ANKRD12: variants seen among roughly 807,000 people sequenced by gnomAD.
The protein encoded by ANKRD12 is ankyrin repeat domain-containing protein 12.
ANKRD12 carries 85 observed loss-of-function variants against 183.4 expected under a neutral mutation model. The ratio of observed to expected loss-of-function variants is 0.46; its 90% CI spans 0.39 to 0.56. The LOEUF is 0.56. ANKRD12 is among the 20% of genes least tolerant of loss of function. ANKRD12 has a pLI of 0.00. For missense variants in ANKRD12, 2,405 were observed against 2,357.1 expected (o/e 1.02, Z -0.42); for synonymous variants, 914 against 800.2 (o/e 1.14, Z -2.40).
intron 8 of ANKRD12, among the ~76,000 whole-genome samples, chr18:9,227,783 T>G (rs552728657): frequency 6.6e-6 from 1 of 152,318 alleles, no homozygotes; most frequent in Admixed American, 6.5e-5. Context: ...TCCATCACCT[T>G]AAGTGTTATT....
intron 8 of ANKRD12, among the ~76,000 whole-genome samples, chr18:9,251,948 C>T (rs868368654): frequency 3.3e-5 from 5 of 151,924 alleles, no homozygotes; most frequent in Admixed American, 6.5e-5. Flanking sequence ...TTTTAAAGAG[C>T]GTTTTGTTAG....
At chr18:9,177,508 C>G (rs889014389) in intron 1 of ANKRD12, among the ~76,000 whole-genome samples, 1 of 152,074 alleles carries the variant, frequency 6.6e-6, no homozygotes, top group Non-Finnish European at 1.5e-5. Flanking sequence ...GTGCATAGAA[C>G]ATGTAATGAT....
chr18:9,204,706 A>G (rs2035378889), intron 4 of ANKRD12, among the ~76,000 whole-genome samples, 162 bp downstream of exon 4: 1 of 152,254 alleles, frequency 6.6e-6, no homozygotes, highest in African/African-American at 2.4e-5. Context: ...TTTTGCTCCT[A>G]GGTACTCAGT....
intron 8 of ANKRD12, among the ~76,000 whole-genome samples, chr18:9,223,924 T>C (rs2036566003): frequency 6.6e-6 from 1 of 152,004 alleles, no homozygotes; most frequent in Non-Finnish European, 1.5e-5. Context: ...TAGGTAAGAA[T>C]GAAAATAAGT....
chr18:9,160,250 G>C (rs901844950), intron 1 of ANKRD12, among the ~76,000 whole-genome samples: 7 of 152,068 alleles, frequency 4.6e-5, no homozygotes, highest in African/African-American at 7.2e-5. Flanking sequence ...TGAGTAGCTG[G>C]GACCACAGAC....
chr18:9,252,178 C>T (rs2038336082), intron 8 of ANKRD12, among the ~76,000 whole-genome samples: 3 of 152,184 alleles, frequency 2.0e-5, no homozygotes, highest in African/African-American at 7.2e-5. Context: ...AGAGTTACTG[C>T]CTCACTAGAG....
intron 1 of ANKRD12, among the ~76,000 whole-genome samples, chr18:9,148,821 T>C (rs902250421): frequency 1.3e-5 from 2 of 152,232 alleles, no homozygotes; most frequent in African/African-American, 2.4e-5. Flanking sequence ...ATTATGTCAC[T>C]ACTTTTTTAG....
chr18:9,152,968 A>G (rs2078731916), intron 1 of ANKRD12, among the ~76,000 whole-genome samples: 1 of 151,848 alleles, frequency 6.6e-6, no homozygotes, highest in South Asian at 2.1e-4. Context: ...TCTTACTCCC[A>G]TATGTTACAT....
chr18:9,233,453 T>C (rs371991311), intron 8 of ANKRD12, among the ~76,000 whole-genome samples: 3 of 152,144 alleles, frequency 2.0e-5, no homozygotes, highest in Non-Finnish European at 4.4e-5. Flanking sequence ...TGCTCAGGAA[T>C]TACTGTGGGG....
intron 7 of ANKRD12, among the ~76,000 whole-genome samples, chr18:9,218,657 T>C (rs2036245354): frequency 6.9e-6 from 1 of 145,066 alleles, no homozygotes; most frequent in African/African-American, 2.4e-5. Context: ...CTAAAACACT[T>C]CTTTTTTCTT....
chr18:9,216,729 A>T, intron 6 of ANKRD12, 29 bp from the exon 7 acceptor site: 2 of 1,606,338 alleles, frequency 1.2e-6, no homozygotes, highest in South Asian at 1.1e-5. Flanking sequence ...GCGCAAGTGA[A>T]TCATGTTAAA....
intron 1 of ANKRD12, among the ~76,000 whole-genome samples, chr18:9,164,011 G>A (rs4797359): frequency 0.78 from 118,489 of 152,032 alleles, 46,391 homozygotes; most frequent in Middle Eastern, 0.88. Context: ...CTATTGGAAT[G>A]CCTTTATTTC....
At chr18:9,249,753 T>G (rs1296955474) in intron 8 of ANKRD12, 3 of 152,244 alleles carry the variant, frequency 2.0e-5, no homozygotes, top group African/African-American at 7.2e-5. Flanking sequence ...AACATAGGTA[T>G]AAATTCCTGA....
At chr18:9,206,705 T>C (rs1412256300) in intron 4 of ANKRD12, among the ~76,000 whole-genome samples, 1 of 151,734 alleles carries the variant, frequency 6.6e-6, no homozygotes, top group Non-Finnish European at 1.5e-5. Context: ...TCCAATTTGT[T>C]TCTTTCTTTC....
At position 9,283,182 on chromosome 18, in the gene ANKRD12, G is replaced by A. The variant is rs1270359455; in HGVS notation, c.*2056G>A. 1 of 152,196 alleles carries A rather than the reference G, an allele frequency of 6.6e-6. No homozygotes were observed. Among genetic ancestry groups the A allele is most frequent in the Non-Finnish European group, 1.5e-5 (1 of 68,020 alleles). 9.4% of individuals were successfully genotyped at this position (152,196 alleles called of 1,614,324 possible). A position where few individuals can be genotyped will look rare whatever the true frequency, so the allele number is the denominator to read the frequency against. On this transcript the variant is annotated 3_prime_UTR_variant, in exon 13 of 13. Transcript: ENST00000262126. Reference sequence around the variant, plus strand: ...CTTTGAAGTTATAGAAAATCAGAGAGGGGTAAGTTTATAGGGCATTTTGTT... The same window carrying A: ...CTTTGAAGTTATAGAAAATCAGAGAAGGGTAAGTTTATAGGGCATTTTGTT...
rs1451228186 is a variant in ANKRD12, at chr18:9,282,132, C to A, written c.*1006C>A. 11 of 152,576 alleles carry A rather than the reference C, an allele frequency of 7.2e-5. No individual in the cohort carries two copies. The South Asian group carries it at 2.1e-3, about 29-fold the overall frequency. The allele number at this position is 152,576 out of a possible 1,614,324, so 9.5% of individuals were successfully genotyped here. A position where few individuals can be genotyped will look rare whatever the true frequency, so the allele number is the denominator to read the frequency against. ...TTGTAAATGTCTATTTTAATATTCA[C>A]CTATGAAAGAATCTGTGAATATATG... On this transcript the variant is annotated 3_prime_UTR_variant, in exon 13 of 13. Transcript: ENST00000262126.
intron 1 of ANKRD12, among the ~76,000 whole-genome samples, chr18:9,172,339 C>T (rs111442769): frequency 6.6e-6 from 1 of 152,044 alleles, no homozygotes; most frequent in African/African-American, 2.4e-5. Context: ...CCATTCTTCT[C>T]CTGTCTTTCA....
At chr18:9,226,252 C>T (rs1406086113) in intron 8 of ANKRD12, among the ~76,000 whole-genome samples, 3 of 151,956 alleles carry the variant, frequency 2.0e-5, no homozygotes, top group African/African-American at 7.2e-5. Context: ...GATGAAACCC[C>T]ATCTCTATTA....
intron 1 of ANKRD12, among the ~76,000 whole-genome samples, chr18:9,170,257 C>T (rs1033450684): frequency 6.6e-5 from 10 of 152,150 alleles, no homozygotes; most frequent in African/African-American, 1.9e-4. Flanking sequence ...TGAATGTTGG[C>T]CTGCCTTGCT....
Sources: allele counts gnomAD v4.1 joint callset (sites outside exome capture counted in the v4.1 genomes callset), GRCh38; gene constraint gnomAD v4.1.1; transcripts MANE v1.5; gene names NCBI Gene and HGNC (gene_info 2026-07-23, HGNC 2026-07-21).